EXOC6: variants seen among roughly 807,000 people sequenced by gnomAD.
EXOC6 encodes SEC15-like 1.
A neutral mutation model predicts 112.5 loss-of-function variants in EXOC6; 60 were observed. The observed-to-expected ratio is 0.53, with a 90% CI of 0.43 to 0.66. The LOEUF (loss-of-function observed/expected upper bound fraction) is 0.66. Ranked by LOEUF, EXOC6 falls within the 30% of genes least tolerant of loss-of-function variation. The pLI is 0.00. For synonymous variants in EXOC6, 295 were observed against 308.0 expected (o/e 0.96, Z 0.44); for missense variants, 855 against 957.1 (o/e 0.89, Z 1.41).
At chr10:92,842,525 C>A (rs910670656) in intron 1 of EXOC6, among the ~76,000 whole-genome samples, 1 of 151,134 alleles carries the variant, frequency 6.6e-6, no homozygotes, top group Non-Finnish European at 1.5e-5. Context: ...AGAGAAAAAT[C>A]GGACAAGGGA....
intron 1 of EXOC6, among the ~76,000 whole-genome samples, chr10:92,886,278 T>C (rs1042214264): frequency 2.6e-5 from 4 of 152,238 alleles, no homozygotes; most frequent in Non-Finnish European, 4.4e-5. Flanking sequence ...TTTCAGAGTC[T>C]CTTCAACTGA....
intron 19 of EXOC6, among the ~76,000 whole-genome samples, chr10:93,004,621 A>G (rs549317717): frequency 2.0e-5 from 3 of 152,070 alleles, no homozygotes; most frequent in South Asian, 4.2e-4. Context: ...CTTTTTGTAA[A>G]TTTTCTTTGG....
intron 20 of EXOC6, among the ~76,000 whole-genome samples, chr10:93,014,656 C>T (rs1380818192): frequency 9.9e-5 from 15 of 152,008 alleles, no homozygotes; most frequent in Admixed American, 9.8e-4. Context: ...ATTATTACAA[C>T]CTAGAAAGTA....
chr10:93,011,801 G>A (rs1844260569), intron 19 of EXOC6, among the ~76,000 whole-genome samples: 1 of 152,110 alleles, frequency 6.6e-6, no homozygotes. Flanking sequence ...CTAGGGCATA[G>A]TAGGGGGTAA....
intron 1 of EXOC6, among the ~76,000 whole-genome samples, chr10:92,887,390 ATTTTTTTT>A (rs11304638): frequency 2.1e-4 from 18 of 83,782 alleles, no homozygotes; most frequent in South Asian, 1.3e-3. Context: ...GATTAATTTA[ATTTTTTTT>A]TTTTTTTTTT....
At chr10:93,031,516 T>C (rs1044602392) in intron 20 of EXOC6, among the ~76,000 whole-genome samples, 3 of 145,688 alleles carry the variant, frequency 2.1e-5, no homozygotes, top group Admixed American at 6.8e-5. Flanking sequence ...CTTTCTTTTT[T>C]TTTTTTTTTT....
At chr10:93,025,391 A>G (rs554695864) in intron 20 of EXOC6, among the ~76,000 whole-genome samples, 7 of 152,318 alleles carry the variant, frequency 4.6e-5, no homozygotes, top group African/African-American at 1.2e-4. Context: ...CTAGTGAGGG[A>G]TGAGATACCT....
chr10:93,024,475 A>C (rs1166004200), intron 20 of EXOC6, among the ~76,000 whole-genome samples: 1 of 152,166 alleles, frequency 6.6e-6, no homozygotes, highest in African/African-American at 2.4e-5. Context: ...TCTGTTGCCC[A>C]GGCTGCAGTA....
chr10:93,010,700 TAAAAA>T (rs538429286), intron 19 of EXOC6, among the ~76,000 whole-genome samples: 1 of 131,706 alleles, frequency 7.6e-6, no homozygotes, highest in Non-Finnish European at 1.6e-5. Context: ...CTCCATCTCT[TAAAAA>T]AAAAAAAAAA....
Position 92,934,126 on chromosome 10 carries a change from T to C in EXOC6, c.973-18T>C, listed in dbSNP as rs1337737270. ...CAGTATTTATTGGTTTAAATTGATT[T>C]TTATTTTTCATTTTAAGCATGAAAC... On this transcript the variant is annotated intron_variant, in intron 9 of 21. Coordinates refer to ENST00000260762, the MANE Select transcript of EXOC6 (RefSeq NM_019053.6). 2 of 1,470,376 alleles carry C rather than the reference T, an allele frequency of 1.4e-6. No homozygotes were observed. The highest frequency in any genetic ancestry group is 1.9e-6 in the Non-Finnish European group (2 of 1,064,960). The allele number at this position is 1,470,376 out of a possible 1,614,324, so 91.1% of individuals were successfully genotyped here.
chr10:92,838,989 C>T (rs1846747898), intron 1 of EXOC6, among the ~76,000 whole-genome samples: 1 of 152,070 alleles, frequency 6.6e-6, no homozygotes, highest in Non-Finnish European at 1.5e-5. Context: ...GGGAGAATCA[C>T]TTGAACCTGG....
At chr10:92,969,936 C>T (rs1842222164) in intron 17 of EXOC6, among the ~76,000 whole-genome samples, 1 of 152,194 alleles carries the variant, frequency 6.6e-6, no homozygotes. Context: ...TCAGGTGATC[C>T]ACCCACCTTG....
chr10:92,973,091 A>G (rs1164645307), intron 17 of EXOC6, among the ~76,000 whole-genome samples: 1 of 152,176 alleles, frequency 6.6e-6, no homozygotes, highest in Non-Finnish European at 1.5e-5. Context: ...GCCCCTGGGG[A>G]AAAGGCTTTT....
At chr10:93,050,341 A>G (rs1564940434) in intron 20 of EXOC6, among the ~76,000 whole-genome samples, 1 of 152,122 alleles carries the variant, frequency 6.6e-6, no homozygotes, top group Non-Finnish European at 1.5e-5. Flanking sequence ...ACTTGAGGCC[A>G]GGAGTTTGAG....
At chr10:92,862,898 G>A (rs1847975607) in intron 1 of EXOC6, among the ~76,000 whole-genome samples, 4 of 152,150 alleles carry the variant, frequency 2.6e-5, no homozygotes, top group Non-Finnish European at 5.9e-5. Context: ...GAGTGGAACT[G>A]TTGGGTCATA....
chr10:92,848,482 C>A (rs1029073468), upstream of EXOC6: 6 of 1,260,756 alleles, frequency 4.8e-6, no homozygotes, highest in Non-Finnish European at 6.1e-6. Context: ...GGAGCTCGCC[C>A]CCGTCGTTCC....
chr10:92,985,577 C>G (rs932505565), intron 18 of EXOC6, among the ~76,000 whole-genome samples: 7 of 152,108 alleles, frequency 4.6e-5, no homozygotes, highest in African/African-American at 1.4e-4. Flanking sequence ...CAACTTGCTT[C>G]CTTCTCCTAG....
chr10:92,919,164 T>G (rs781437547), intron 7 of EXOC6, among the ~76,000 whole-genome samples: 5 of 152,206 alleles, frequency 3.3e-5, no homozygotes, highest in Non-Finnish European at 7.3e-5. Flanking sequence ...TGTATATCTT[T>G]CCTGCTGGGA....
chr10:92,849,997 T>G (rs1220627855), intron 1 of EXOC6, among the ~76,000 whole-genome samples: 2 of 152,232 alleles, frequency 1.3e-5, no homozygotes, highest in Admixed American at 1.3e-4. Flanking sequence ...TTAGTGCATT[T>G]CCTTAATTTT....
Sources: allele counts gnomAD v4.1 joint callset (sites outside exome capture counted in the v4.1 genomes callset), GRCh38; gene constraint gnomAD v4.1.1; transcripts MANE v1.5; gene names NCBI Gene and HGNC (gene_info 2026-07-23, HGNC 2026-07-21).